Variants in CFAP69 observed in about 807,000 individuals in gnomAD.
CFAP69 encodes the protein cilia- and flagella-associated protein 69.
In CFAP69, 92 loss-of-function variants were observed where a neutral mutation model predicts 123.0. The ratio of observed to expected loss-of-function variants is 0.75; its 90% confidence interval spans 0.63 to 0.89. CFAP69 has a LOEUF of 0.89. Ranked by LOEUF, CFAP69 falls within the 40% of genes least tolerant of loss-of-function variation. The pLI, the probability that CFAP69 is intolerant of heterozygous loss-of-function variation, is 0.00. For missense variants in CFAP69, 1,067 were observed against 1,096.9 expected, an observed-to-expected ratio of 0.97 and a Z score of 0.39; for synonymous variants, 380 against 364.3, an observed-to-expected ratio of 1.04 and a Z score of -0.49.
chr7:90,275,714 G>A (rs1041840849), intron 9 of CFAP69, among the ~76,000 whole-genome samples: 5 of 137,958 alleles, frequency 3.6e-5, no homozygotes, highest in Non-Finnish European at 7.6e-5. Context: ...CCATTCTCCT[G>A]CCTCAGTCTC....
intron 6 of CFAP69, 77 bp downstream of exon 6, chr7:90,268,461 A>G: frequency 9.1e-7 from 1 of 1,098,608 alleles, no homozygotes; most frequent in Non-Finnish European, 1.3e-6. Flanking sequence ...TTTGAATTTG[A>G]CAGACACAGT....
intron 17 of CFAP69, chr7:90,303,358 G>A (rs1428032504): frequency 6.4e-6 from 1 of 155,508 alleles, no homozygotes; most frequent in East Asian, 1.9e-4. Context: ...AATACTATGT[G>A]GTGAAAGAGC....
rs1313570695 is a variant in CFAP69 at position 90,290,761 on chromosome 7, TTTTCTTTTCTTTTCTTTTCTTTTC to T, written c.1775+2413_1775+2436del. 1.8e-3 allele frequency among the ~76,000 whole-genome samples: 43 copies of T among 23,386 alleles called. 2 individuals carry two copies. The highest frequency in any genetic ancestry group is 8.0e-3 in the South Asian group (6 of 748). 15.3% of individuals were successfully genotyped at this position (23,386 alleles called of 152,430 possible). A position where few individuals can be genotyped will look rare whatever the true frequency, so the allele number is the denominator to read the frequency against. ...AAACAATGTCTTTTCTTTTCTTTTCTTTTCTTTTCTTTTCTTTTCTTTTCTTTTCTTTTCTTTTCTTTTCTTTTC... is the reference window on the plus strand; with the variant it reads ...AAACAATGTCTTTTCTTTTCTTTTCTTTTTCTTTTCTTTTCTTTTCTTTTC... On this transcript the variant is annotated intron_variant, in intron 15 of 22. Transcript: ENST00000389297.
intron 18 of CFAP69, chr7:90,304,537 C>A: frequency 7.5e-7 from 1 of 1,329,018 alleles, no homozygotes; most frequent in Non-Finnish European, 9.6e-7. Flanking sequence ...GATGACCTGG[C>A]AGAAATGTGT....
At chr7:90,277,815 T>C (rs934549158) in intron 11 of CFAP69, among the ~76,000 whole-genome samples, 4 of 152,142 alleles carry the variant, frequency 2.6e-5, no homozygotes, top group African/African-American at 9.7e-5. Context: ...GTTTCCTGCA[T>C]AACAGCGTGA....
At chr7:90,274,409 C>T in intron 9 of CFAP69, among the ~76,000 whole-genome samples, 1 of 152,158 alleles carries the variant, frequency 6.6e-6, no homozygotes, top group East Asian at 1.9e-4. Flanking sequence ...ACTGGAAGAA[C>T]TTTGTTTACA....
chr7:90,263,370 T>A (rs996486854), intron 4 of CFAP69, among the ~76,000 whole-genome samples: 3 of 152,160 alleles, frequency 2.0e-5, no homozygotes, highest in Non-Finnish European at 1.5e-5. Flanking sequence ...ACAATAAAAA[T>A]AGAATAATAA....
chr7:90,246,585 G>A (rs570224601), intron 1 of CFAP69, among the ~76,000 whole-genome samples: 1 of 152,220 alleles, frequency 6.6e-6, no homozygotes, highest in Admixed American at 6.5e-5. Flanking sequence ...ATAGGTGTTA[G>A]GGGAATTTGC....
the CFAP69 span, chr7:90,319,501 C>T: frequency 5.0e-5 from 20 of 398,528 alleles, no homozygotes; most frequent in Non-Finnish European, 7.5e-5. Flanking sequence ...ATGTCCAGGC[C>T]GCTGAGATTT....
intron 1 of CFAP69, among the ~76,000 whole-genome samples, chr7:90,254,854 A>G (rs17867598): frequency 0.028 from 4,241 of 152,296 alleles, 63 homozygotes; most frequent in Middle Eastern, 0.048. Flanking sequence ...AGTGGAGTCG[A>G]CGAGAACAGC....
At chr7:90,315,444 C>T (rs929439046), downstream of CFAP69, among the ~76,000 whole-genome samples, 1 of 152,196 alleles carries the variant, frequency 6.6e-6, no homozygotes, top group Non-Finnish European at 1.5e-5. Context: ...GAGATCATGT[C>T]TTTTGCAAGA....
intron 6 of CFAP69, 52 bp from the exon 7 acceptor site, chr7:90,271,474 A>G: frequency 6.6e-7 from 1 of 1,515,896 alleles, no homozygotes; most frequent in African/African-American, 1.4e-5. Flanking sequence ...CTTTTGTCTT[A>G]ATGATCATTC....
intron 15 of CFAP69, among the ~76,000 whole-genome samples, chr7:90,297,312 T>C (rs1434292252): frequency 1.3e-5 from 2 of 152,224 alleles, no homozygotes; most frequent in African/African-American, 2.4e-5. Flanking sequence ...CATCATGGCC[T>C]GAACTAGTTT....
At position 90,296,153 on chromosome 7, in the gene CFAP69, C is replaced by A. The variant is rs79456420; in HGVS notation, c.1776-1596C>A. Among the ~76,000 whole-genome samples the A allele has an allele frequency of 7.9e-3, 1,204 of 152,208 alleles. 19 individuals carry two copies. The highest frequency in any genetic ancestry group is 0.028 in the African/African-American group (1,154 of 41,516). On this transcript the variant is annotated intron_variant, in intron 15 of 22. Transcript: ENST00000389297. The stretch of plus-strand genomic sequence containing the variant: ...TGGAGTTGCTCTCATTCAAACACCT[C>A]TAACAAAATAATCTCAACTGCAAAG...
intron 2 of CFAP69, among the ~76,000 whole-genome samples, chr7:90,256,979 T>C (rs1284987687): frequency 6.6e-6 from 1 of 152,202 alleles, no homozygotes; most frequent in Non-Finnish European, 1.5e-5. Context: ...TTTTAGAAGT[T>C]AAAAATACAA....
At chr7:90,273,628 G>T (rs1447613623) in intron 8 of CFAP69, among the ~76,000 whole-genome samples, 4 of 152,172 alleles carry the variant, frequency 2.6e-5, no homozygotes, top group African/African-American at 9.7e-5. Context: ...AGTTTGAGCT[G>T]CTATAATAAA....
At chr7:90,298,775 A>G (rs1475404956) in intron 16 of CFAP69, among the ~76,000 whole-genome samples, 1 of 152,172 alleles carries the variant, frequency 6.6e-6, no homozygotes, top group Non-Finnish European at 1.5e-5. Context: ...AGTGCCTAAC[A>G]TGATTCCTGT....
intron 11 of CFAP69, among the ~76,000 whole-genome samples, chr7:90,279,352 T>C (rs1010565810): frequency 1.3e-5 from 2 of 152,048 alleles, no homozygotes; most frequent in African/African-American, 4.8e-5. Context: ...ACGTTATACG[T>C]TTTATTATAC....
intron 1 of CFAP69, 36 bp from the exon 2 acceptor site, chr7:90,255,387 G>T (rs11563436): frequency 1.3e-6 from 2 of 1,534,804 alleles, no homozygotes; most frequent in Non-Finnish European, 1.8e-6. Flanking sequence ...TGATATAGAA[G>T]ATGATCTAGA....
Sources: allele counts gnomAD v4.1 joint callset (sites outside exome capture counted in the v4.1 genomes callset), GRCh38; gene constraint gnomAD v4.1.1; transcripts MANE v1.5; gene names NCBI Gene and HGNC (gene_info 2026-07-23, HGNC 2026-07-21).